CCDC62: variants seen among roughly 807,000 people sequenced by gnomAD.
The protein encoded by CCDC62 is coiled-coil domain containing 62, also known as coiled-coil domain-containing protein 62.
In CCDC62, 72 loss-of-function variants were observed where a neutral mutation model predicts 80.8. The ratio of observed to expected loss-of-function variants is 0.89; its 90% CI spans 0.74 to 1.08. CCDC62 has a LOEUF of 1.08. Among genes scored for constraint, CCDC62 ranks in the 50% least tolerant of loss-of-function variants. CCDC62 has a pLI of 0.00. For synonymous variants in CCDC62, 286 were observed against 296.5 expected (o/e 0.96, Z 0.36); for missense variants, 704 against 809.4 (o/e 0.87, Z 1.58).
chr12:122,802,871 A>T lies in CCDC62; in HGVS notation c.1706+1019A>T, dbSNP rs189588780. On this transcript the variant is annotated intron_variant, in intron 9 of 12. Transcript: ENST00000253079. ...GTGAGGCTCCATCTCTACAAAAAAAATTTTTTAATTTGCTGGGCATGGGTG... is the reference window on the plus strand; with the variant it reads ...GTGAGGCTCCATCTCTACAAAAAAATTTTTTTAATTTGCTGGGCATGGGTG... Among the ~76,000 whole-genome samples the T allele has an allele frequency of 6.4e-3, 974 of 152,002 alleles. 9 individuals carry two copies. Among genetic ancestry groups the T allele is most frequent in the African/African-American group, 0.017 (708 of 41,452 alleles).
At chr12:122,823,773 C>T (rs897974457) in intron 12 of CCDC62, among the ~76,000 whole-genome samples, 12 of 149,688 alleles carry the variant, frequency 8.0e-5, no homozygotes, top group African/African-American at 2.7e-4. Context: ...GAGGCTGAGG[C>T]GGCTGGATCA....
chr12:122,777,577 T>C lies in CCDC62; in HGVS notation c.123T>C (p.Asp41=), dbSNP rs745891274. The C allele has an allele frequency of 6.2e-7, 1 of 1,614,144 alleles. No homozygotes were observed. The highest frequency in any genetic ancestry group is 1.1e-5 in the South Asian group (1 of 91,088). The change falls in exon 2 of 13, where the codon GAT becomes GAC. Residue 41 remains aspartate (D), a synonymous_variant. Coordinates refer to ENST00000253079, the MANE Select transcript of CCDC62 (RefSeq NM_201435.5). The part of the protein sequence containing the change: ...QLLIGELKDR[D]KELNDMVAVH... ...TCATTGGAGAATTAAAAGATCGAGATAAAGAGCTCAATGACATGGTTGCAG... is the reference window on the plus strand; with the variant it reads ...TCATTGGAGAATTAAAAGATCGAGACAAAGAGCTCAATGACATGGTTGCAG...
intron 10 of CCDC62, among the ~76,000 whole-genome samples, chr12:122,807,037 A>G (rs984212292): frequency 6.6e-6 from 1 of 152,026 alleles, no homozygotes; most frequent in Non-Finnish European, 1.5e-5. Flanking sequence ...AGAGACATGC[A>G]TACAGACTAA....
At chr12:122,785,157 T>G (rs2030136095) in intron 3 of CCDC62, among the ~76,000 whole-genome samples, 1 of 152,098 alleles carries the variant, frequency 6.6e-6, no homozygotes, top group Non-Finnish European at 1.5e-5. Flanking sequence ...ATAAAAAGCC[T>G]GATGGTTATT....
Position 122,796,524 on chromosome 12 carries a change from G to A in CCDC62, c.773-783G>A, listed in dbSNP as rs550346780. On this transcript the variant is annotated intron_variant, in intron 6 of 12. Transcript: ENST00000253079. ...AAAGGCATGTAGAATTGAGACCCAC[G>A]GAGTCAGATGCACTACGGATATCAC... Among the ~76,000 whole-genome samples the A allele has an allele frequency of 1.2e-4, 19 of 152,246 alleles. 1 individual carries two copies. In the Middle Eastern group the frequency reaches 0.017, roughly 136 times the overall value.
At chr12:122,812,721 CAA>C (rs71085857) in intron 10 of CCDC62, among the ~76,000 whole-genome samples, 2 of 47,576 alleles carry the variant, frequency 4.2e-5, no homozygotes, top group East Asian at 6.5e-4. Context: ...GACTCCGTCT[CAA>C]AAAAAAAAAA....
chr12:122,822,091 G>C (rs1488425357), intron 11 of CCDC62, among the ~76,000 whole-genome samples: 41 of 8,076 alleles, frequency 5.1e-3, no homozygotes, highest in South Asian at 9.2e-3. Context: ...ACACACACAC[G>C]ACATTATTTA....
chr12:122,807,529 C>A (rs368159884), intron 10 of CCDC62, among the ~76,000 whole-genome samples: 928 of 104,580 alleles, frequency 8.9e-3, no homozygotes, highest in African/African-American at 9.4e-3. Flanking sequence ...GACTCTGTCT[C>A]AAAAAAAAAA....
chr12:122,808,882 G>A (rs917802290), intron 10 of CCDC62, among the ~76,000 whole-genome samples: 6 of 152,208 alleles, frequency 3.9e-5, no homozygotes, highest in Admixed American at 1.3e-4. Context: ...TGGTGCTGAT[G>A]CTCCGGTCCC....
intron 7 of CCDC62, among the ~76,000 whole-genome samples, chr12:122,797,823 A>T (rs1260715016): frequency 6.6e-6 from 1 of 152,198 alleles, no homozygotes; most frequent in Non-Finnish European, 1.5e-5. Context: ...TACAGGCGTG[A>T]ACCAGCGCAC....
At chr12:122,799,255 G>T (rs1331594635) in intron 8 of CCDC62, among the ~76,000 whole-genome samples, 1 of 152,062 alleles carries the variant, frequency 6.6e-6, no homozygotes, top group Non-Finnish European at 1.5e-5. Flanking sequence ...TGTGTAGAAG[G>T]CTTTGAGCTA....
At chr12:122,786,737 G>C (rs2030264166) in intron 4 of CCDC62, among the ~76,000 whole-genome samples, 1 of 151,854 alleles carries the variant, frequency 6.6e-6, no homozygotes, top group Non-Finnish European at 1.5e-5. Flanking sequence ...GAGGCGGGCA[G>C]ATCACGAGGT....
chr12:122,826,544 A>G lies in CCDC62; in HGVS notation c.*163A>G, dbSNP rs929885850. ...CTTAATTCCAGCTGGGAGCAGAACTAGAAAGTTAATTTTTAAACATCTACA... is the reference window on the plus strand; with the variant it reads ...CTTAATTCCAGCTGGGAGCAGAACTGGAAAGTTAATTTTTAAACATCTACA... On this transcript the variant is annotated 3_prime_UTR_variant, in exon 13 of 13. Transcript: ENST00000253079. 3.1e-5 allele frequency: 22 copies of G among 704,488 alleles called. No individual in the cohort carries two copies. Among genetic ancestry groups the G allele is most frequent in the Admixed American group, 2.8e-4 (13 of 46,662 alleles). The allele number at this position is 704,488 out of a possible 1,614,324, so 43.6% of individuals were successfully genotyped here.
chr12:122,775,541 TG>T (rs1307689377), intron 1 of CCDC62, among the ~76,000 whole-genome samples: 1 of 152,240 alleles, frequency 6.6e-6, no homozygotes, highest in Non-Finnish European at 1.5e-5. Flanking sequence ...ATTCAAGCCT[TG>T]GGACTTGAAA....
At chr12:122,795,517 G>A (rs1296834448) in intron 6 of CCDC62, among the ~76,000 whole-genome samples, 3 of 151,952 alleles carry the variant, frequency 2.0e-5, no homozygotes, top group South Asian at 2.1e-4. Context: ...TCAGCCTCCT[G>A]GGTTCATGCC....
intron 3 of CCDC62, 27 bp downstream of exon 3, chr12:122,781,357 A>T (rs768038054): frequency 6.3e-7 from 1 of 1,599,120 alleles, no homozygotes; most frequent in Non-Finnish European, 8.6e-7. Context: ...GATAAGCTTC[A>T]CTAGTCCAAA....
chr12:122,819,732 A>C (rs1400877003), intron 11 of CCDC62, among the ~76,000 whole-genome samples: 6 of 152,220 alleles, frequency 3.9e-5, no homozygotes, highest in South Asian at 4.2e-4. Context: ...AACGTGCAAG[A>C]TACTGAAGGT....
intron 11 of CCDC62, among the ~76,000 whole-genome samples, chr12:122,822,409 A>G (rs2032446893): frequency 6.6e-6 from 1 of 151,668 alleles, no homozygotes; most frequent in African/African-American, 2.4e-5. Context: ...TGGCCAATAC[A>G]TTATTATTAA....
At chr12:122,788,492 C>A (rs1490171847) in intron 4 of CCDC62, among the ~76,000 whole-genome samples, 2 of 152,178 alleles carry the variant, frequency 1.3e-5, no homozygotes, top group African/African-American at 2.4e-5. Flanking sequence ...GTGTCTGAGG[C>A]AGCCAGCTAG....
Sources: allele counts gnomAD v4.1 joint callset (sites outside exome capture counted in the v4.1 genomes callset), GRCh38; gene constraint gnomAD v4.1.1; transcripts MANE v1.5; gene names NCBI Gene and HGNC (gene_info 2026-07-23, HGNC 2026-07-21).